The following FAM184B variants were observed in gnomAD, a reference collection of about 807,000 sequenced individuals.
FAM184B encodes the protein protein FAM184B.
Under a neutral mutation model 135.9 loss-of-function variants are expected in FAM184B, and 111 were observed. That is an observed-to-expected ratio of 0.82 (90% confidence interval 0.70 to 0.96). The LOEUF (loss-of-function observed/expected upper bound fraction) is 0.96, where lower values mean the gene tolerates loss of function less well. Ranked by LOEUF, FAM184B falls within the 40% of genes least tolerant of loss-of-function variation. The pLI is 0.00. For synonymous variants in FAM184B, 552 were observed against 524.8 expected, an observed-to-expected ratio of 1.05 and a Z score of -0.71; for missense variants, 1,375 against 1,323.9, an observed-to-expected ratio of 1.04 and a Z score of -0.60.
intron 6 of FAM184B, among the ~76,000 whole-genome samples, chr4:17,692,066 A>G (rs1716749560): frequency 6.6e-6 from 1 of 151,294 alleles, no homozygotes; most frequent in African/African-American, 2.4e-5. Flanking sequence ...AAAAAAAAAA[A>G]AGAATAACTG....
At chr4:17,736,366 C>T (rs1258218644) in intron 1 of FAM184B, among the ~76,000 whole-genome samples, 2 of 152,176 alleles carry the variant, frequency 1.3e-5, no homozygotes, top group African/African-American at 4.8e-5. Context: ...AATAATGAAT[C>T]TTAATCGTTA....
chr4:17,642,849 A>G (rs6449321), intron 12 of FAM184B, among the ~76,000 whole-genome samples: 94,894 of 152,212 alleles, frequency 0.62, 30,024 homozygotes, highest in East Asian at 0.89. Flanking sequence ...GAAACACAAA[A>G]ATTGCTGTCC....
At chr4:17,711,794 A>G (rs1717278294) in intron 1 of FAM184B, among the ~76,000 whole-genome samples, 1 of 152,168 alleles carries the variant, frequency 6.6e-6, no homozygotes, top group Non-Finnish European at 1.5e-5. Flanking sequence ...GATAGGATGG[A>G]AGGAAGAGGT....
chr4:17,707,871 A>G, intron 2 of FAM184B, 87 bp from the exon 3 acceptor site: 2 of 1,467,598 alleles, frequency 1.4e-6, no homozygotes, highest in South Asian at 2.6e-5. Context: ...CAGACCTGAA[A>G]GGCGGGTATA....
chr4:17,748,419 G>A (rs1364605882), intron 1 of FAM184B, among the ~76,000 whole-genome samples: 1 of 151,358 alleles, frequency 6.6e-6, no homozygotes, highest in Admixed American at 6.6e-5. Flanking sequence ...AAGACTCTTT[G>A]GTCCATTGAT....
chr4:17,688,658 C>T, intron 6 of FAM184B, 127 bp from the exon 7 acceptor site: 2 of 340,880 alleles, frequency 5.9e-6, no homozygotes, highest in South Asian at 3.4e-5. Flanking sequence ...TAGACAAATT[C>T]TACACACACT....
At chr4:17,749,094 G>A (rs894509818) in intron 1 of FAM184B, among the ~76,000 whole-genome samples, 5 of 150,366 alleles carry the variant, frequency 3.3e-5, no homozygotes, top group Admixed American at 6.7e-5. Flanking sequence ...TCAACCTCCT[G>A]AGTAGCTGGG....
chr4:17,704,270 A>T (rs1366731451), intron 5 of FAM184B, among the ~76,000 whole-genome samples: 3 of 152,192 alleles, frequency 2.0e-5, no homozygotes, highest in Non-Finnish European at 4.4e-5. Context: ...AAATCTTCAC[A>T]TATGTTACTT....
chr4:17,637,035 TTC>T (rs1028990737), intron 14 of FAM184B, among the ~76,000 whole-genome samples: 4 of 152,110 alleles, frequency 2.6e-5, no homozygotes, highest in Non-Finnish European at 4.4e-5. Flanking sequence ...GGCCTTTTTT[TTC>T]TTTTTTGGAG....
At chr4:17,703,328 C>G (rs139778378) in intron 5 of FAM184B, among the ~76,000 whole-genome samples, 148 of 151,924 alleles carry the variant, frequency 9.7e-4, no homozygotes, top group African/African-American at 3.5e-3. Context: ...AGATCCCCAT[C>G]TCTACAGAAA....
intron 11 of FAM184B, among the ~76,000 whole-genome samples, chr4:17,651,576 C>T (rs1486194635): frequency 8.9e-6 from 1 of 112,864 alleles, no homozygotes; most frequent in Non-Finnish European, 1.9e-5. Flanking sequence ...AGAAAAGAAA[C>T]ATTCAGTCAT....
chr4:17,734,906 C>T (rs1717872093), intron 1 of FAM184B, among the ~76,000 whole-genome samples: 1 of 152,012 alleles, frequency 6.6e-6, no homozygotes, highest in Non-Finnish European at 1.5e-5. Context: ...GCACTATTCA[C>T]AATAGCAAAG....
chr4:17,676,659 G>A (rs1472217523), intron 7 of FAM184B, among the ~76,000 whole-genome samples: 1 of 152,148 alleles, frequency 6.6e-6, no homozygotes, highest in Non-Finnish European at 1.5e-5. Context: ...TATCTCCGAG[G>A]TATGCCTTCA....
chr4:17,781,473 C>T lies in FAM184B; in HGVS notation c.-174G>A. ...TTCCCGAAGGTCTCCGCCTCCCGGG[C>T]CCACCCGCGCGCCCACCCTTTTTCC... On this transcript the variant is annotated 5_prime_UTR_variant, in exon 1 of 18. Transcript: ENST00000265018. The surrounding 1 kb of genome is among the most constrained non-coding windows in gnomAD (Gnocchi z 6.5). 1.3e-6 allele frequency: 1 copy of T among 744,320 alleles called. No individual in the cohort carries two copies. 46.1% of individuals were successfully genotyped at this position (744,320 alleles called of 1,614,324 possible). A position where few individuals can be genotyped will look rare whatever the true frequency, so the allele number is the denominator to read the frequency against.
At chr4:17,754,638 T>C (rs1718380830) in intron 1 of FAM184B, among the ~76,000 whole-genome samples, 1 of 150,412 alleles carries the variant, frequency 6.6e-6, no homozygotes, top group African/African-American at 2.4e-5. Flanking sequence ...CTGGGTGGAA[T>C]AGAACCTAAA....
intron 1 of FAM184B, among the ~76,000 whole-genome samples, chr4:17,759,487 A>G (rs962014216): frequency 6.6e-6 from 1 of 151,846 alleles, no homozygotes; most frequent in Non-Finnish European, 1.5e-5. Flanking sequence ...AGTTTCAGGT[A>G]TGTCTTTTTT....
chr4:17,709,854 G>C (rs931362346), intron 1 of FAM184B, among the ~76,000 whole-genome samples: 3 of 152,220 alleles, frequency 2.0e-5, no homozygotes, highest in African/African-American at 7.2e-5. Flanking sequence ...CTTGGATTGG[G>C]AGCAAAGGGG....
intron 8 of FAM184B, among the ~76,000 whole-genome samples, chr4:17,663,688 G>C (rs961239787): frequency 4.0e-5 from 6 of 151,746 alleles, no homozygotes; most frequent in Admixed American, 2.0e-4. Context: ...CCCTCACCCA[G>C]GAGTCAAGCT....
chr4:17,764,218 CT>C (rs1293011662), intron 1 of FAM184B, among the ~76,000 whole-genome samples: 1 of 152,262 alleles, frequency 6.6e-6, no homozygotes, highest in East Asian at 1.9e-4. Context: ...ATTAATCTTC[CT>C]TTTACTGCCT....
Sources: allele counts gnomAD v4.1 joint callset (sites outside exome capture counted in the v4.1 genomes callset), GRCh38; gene constraint gnomAD v4.1.1; non-coding constraint Gnocchi (gnomAD v3.1); transcripts MANE v1.5; gene names NCBI Gene and HGNC (gene_info 2026-07-23, HGNC 2026-07-21).